The following REPS2 variants were observed in gnomAD, a reference collection of about 807,000 sequenced individuals.
REPS2 encodes the protein ralBP1-associated Eps domain-containing protein 2.
In REPS2, 23 loss-of-function variants were observed where a neutral mutation model predicts 53.6. The ratio of observed to expected loss-of-function variants is 0.43; its 90% CI spans 0.31 to 0.61. The LOEUF is 0.61. Among genes scored for constraint, REPS2 ranks in the 20% least tolerant of loss-of-function variants. REPS2 has a pLI of 0.11. For missense variants in REPS2, 446 were observed against 534.9 expected, an observed-to-expected ratio of 0.83 and a Z score of 1.64; for synonymous variants, 238 against 218.6, an observed-to-expected ratio of 1.09 and a Z score of -0.78.
the REPS2 span, among the ~76,000 whole-genome samples, chrX:17,182,140 GTCTA>G: frequency 0.34 from 34,366 of 100,995 alleles, 4,941 homozygotes; most frequent in Non-Finnish European, 0.37. Flanking sequence ...TGCTCTATCT[GTCTA>G]TCTATCTATC....
At chrX:17,044,998 C>T (rs903160718) in intron 5 of REPS2, among the ~76,000 whole-genome samples, 5 of 111,702 alleles carry the variant, frequency 4.5e-5, no homozygotes, top group African/African-American at 9.8e-5. Context: ...GGCGCGATCT[C>T]GGCTCGCTGC....
At chrX:17,175,634 C>G in the REPS2 span, among the ~76,000 whole-genome samples, 1 of 112,434 alleles carries the variant, frequency 8.9e-6, no homozygotes, top group Non-Finnish European at 1.9e-5. Context: ...TTGTCATGGT[C>G]CAACTTCTTC....
At chrX:17,191,323 A>G in the REPS2 span, among the ~76,000 whole-genome samples, 2 of 112,322 alleles carry the variant, frequency 1.8e-5, no homozygotes, top group African/African-American at 6.5e-5. Context: ...AATGATAAAC[A>G]GGTATATTAA....
chrX:16,968,668 C>A (rs1361554445), intron 1 of REPS2, among the ~76,000 whole-genome samples: 1 of 103,665 alleles, frequency 9.6e-6, no homozygotes, highest in African/African-American at 3.5e-5. Flanking sequence ...ACCTCCCTCC[C>A]AGACGGGGCG....
intron 13 of REPS2, among the ~76,000 whole-genome samples, chrX:17,086,349 A>G (rs924328421): frequency 1.8e-5 from 2 of 112,392 alleles, no homozygotes; most frequent in African/African-American, 6.5e-5. Context: ...TTTACGTAGT[A>G]TTGGCCTGAT....
At chrX:17,189,376 C>T in the REPS2 span, among the ~76,000 whole-genome samples, 3 of 109,073 alleles carry the variant, frequency 2.8e-5, no homozygotes, top group Non-Finnish European at 5.7e-5. Context: ...ACCTCCGCCT[C>T]CCGGGTTCAA....
the REPS2 span, among the ~76,000 whole-genome samples, chrX:17,161,348 A>G: frequency 1.7e-3 from 188 of 111,999 alleles, no homozygotes; most frequent in African/African-American, 5.6e-3. Flanking sequence ...GGCAGACCCA[A>G]TGTAATCACA....
intron 2 of REPS2, among the ~76,000 whole-genome samples, chrX:17,017,831 G>A (rs1327036847): frequency 9.0e-6 from 1 of 111,164 alleles, no homozygotes; most frequent in Non-Finnish European, 1.9e-5. Flanking sequence ...CATAAAATGT[G>A]ACAAGCACAA....
Position 17,015,430 on chromosome X carries a change from C to T in REPS2, c.398-6693C>T, listed in dbSNP as rs62587796. Among the ~76,000 whole-genome samples, 6 of 109,554 alleles carry T rather than the reference C, an allele frequency of 5.5e-5. No homozygotes were observed. In the South Asian group the frequency reaches 1.5e-3, roughly 28 times the overall value. ...TAAATTTTATTTTATTATTATTATA[C>T]TTTAAGTTTTAGGGTACATGTGCAC... On this transcript the variant is annotated intron_variant, in intron 2 of 17. Coordinates refer to ENST00000357277, the MANE Select transcript of REPS2 (RefSeq NM_004726.3).
chrX:16,983,178 T>C (rs2061040565), intron 1 of REPS2, among the ~76,000 whole-genome samples: 1 of 104,216 alleles, frequency 9.6e-6, no homozygotes. Context: ...AGATAGGGTG[T>C]TGAGAAGATT....
intron 1 of REPS2, among the ~76,000 whole-genome samples, chrX:16,971,146 C>T: frequency 8.9e-6 from 1 of 112,139 alleles, no homozygotes; most frequent in Non-Finnish European, 1.9e-5. Context: ...ACATCCTTAC[C>T]AACGTTTGTT....
At chrX:17,053,126 A>C (rs2062024824) in intron 7 of REPS2, among the ~76,000 whole-genome samples, 1 of 111,740 alleles carries the variant, frequency 8.9e-6, no homozygotes, top group Non-Finnish European at 1.9e-5. Context: ...CACTGCTATA[A>C]ATATATAATT....
the REPS2 span, among the ~76,000 whole-genome samples, chrX:17,192,479 G>C: frequency 3.0e-4 from 33 of 111,690 alleles, no homozygotes; most frequent in Admixed American, 1.6e-3. Context: ...GGGTGGAGTA[G>C]TCAACTGGCC....
chrX:16,951,650 A>G (rs938213189), intron 1 of REPS2, among the ~76,000 whole-genome samples: 1 of 110,754 alleles, frequency 9.0e-6, no homozygotes, highest in Non-Finnish European at 1.9e-5. Flanking sequence ...CAGGAGTTTG[A>G]GGCTGCAATG....
intron 12 of REPS2, among the ~76,000 whole-genome samples, chrX:17,075,938 C>T (rs991535094): frequency 8.1e-5 from 9 of 111,702 alleles, no homozygotes; most frequent in Admixed American, 4.7e-4. Context: ...GTATCAGTTC[C>T]CTTTGATTCT....
Position 17,025,093 on chromosome X carries a change from C to G in REPS2, c.581C>G (p.Ala194Gly), listed in dbSNP as rs1439244605. 8.3e-7 allele frequency: 1 copy of G among 1,211,514 alleles called. No individual in the cohort carries two copies. The highest frequency in any genetic ancestry group is 1.1e-6 in the Non-Finnish European group (1 of 895,365). ...ETQSPTMSPL[A>G]SPPSSPPHYQ... is the part of the protein sequence containing the mutation. The stretch of plus-strand genomic sequence containing the variant: ...CAGTCTCCCACGATGTCACCCCTCG[C>G]CTCCCCTCCTTCTTCCCCGCCTCAT... The change falls in exon 4 of 18, where the codon GCC (alanine) becomes GGC (glycine). Residue 194 changes from alanine (A) to glycine (G), a missense_variant. By Grantham distance (60) the Ala-to-Gly change is moderately conservative (BLOSUM62 0). Coordinates refer to ENST00000357277, the MANE Select transcript of REPS2 (RefSeq NM_004726.3).
At chrX:17,103,836 G>T (rs2062838553) in intron 14 of REPS2, 57 bp downstream of exon 14, 1 of 1,070,307 alleles carries the variant, frequency 9.3e-7, no homozygotes, top group Non-Finnish European at 1.3e-6. Flanking sequence ...TTGTCCTATC[G>T]CTGTGCTTCT....
chrX:17,105,408 A>G (rs1381190848), intron 14 of REPS2, among the ~76,000 whole-genome samples: 2 of 112,203 alleles, frequency 1.8e-5, no homozygotes, highest in Non-Finnish European at 3.8e-5. Flanking sequence ...GACTTTTGTA[A>G]CCAACCTTCT....
Position 17,006,319 on chromosome X carries a change from G to C in REPS2, c.372G>C (p.Pro124=). 8.3e-7 allele frequency: 1 copy of C among 1,209,696 alleles called. No individual in the cohort carries two copies. The highest frequency in any genetic ancestry group is 1.1e-6 in the Non-Finnish European group (1 of 893,881). ...KLIAAAQSGL[P]VRIESIKCEL... is the part of the protein sequence containing the mutation. ...TTGCTGCAGCACAATCTGGCCTCCCGGTACGGATAGAGAGTATTAAATGTG... is the reference window on the plus strand; with the variant it reads ...TTGCTGCAGCACAATCTGGCCTCCCCGTACGGATAGAGAGTATTAAATGTG... Residue 124 remains proline (P), a synonymous_variant, in exon 2 of 18, where the codon CCG becomes CCC. Coordinates refer to ENST00000357277, the MANE Select transcript of REPS2 (RefSeq NM_004726.3).
Sources: gnomAD v4.1 joint callset for allele counts (sites outside exome capture counted in the v4.1 genomes callset) on GRCh38, gnomAD v4.1.1 for gene constraint, MANE v1.5 for transcripts, NCBI Gene and HGNC (gene_info 2026-07-23, HGNC 2026-07-21) for gene names.